Variants in STARD13 observed in about 807,000 individuals in gnomAD.
STARD13 encodes stAR-related lipid transfer protein 13.
Under a neutral mutation model 106.4 loss-of-function variants are expected in STARD13, and 62 were observed. The observed-to-expected ratio is 0.58, with a 90% CI of 0.48 to 0.72. The LOEUF is 0.72. Ranked by LOEUF, STARD13 falls within the 30% of genes least tolerant of loss-of-function variation. The pLI, the probability that STARD13 is intolerant of heterozygous loss-of-function variation, is 0.00. For synonymous variants in STARD13, 565 were observed against 553.0 expected, an observed-to-expected ratio of 1.02 and a Z score of -0.31; for missense variants, 1,387 against 1,424.0, an observed-to-expected ratio of 0.97 and a Z score of 0.42.
the STARD13 span, among the ~76,000 whole-genome samples, chr13:33,474,670 T>C: frequency 1.2e-4 from 19 of 152,332 alleles, no homozygotes; most frequent in Admixed American, 9.8e-4. Context: ...CACTTCTGTC[T>C]GGGTTTTGTA....
chr13:33,355,186 C>T (rs930375297), upstream of STARD13: 1 of 152,070 alleles, frequency 6.6e-6, no homozygotes, highest in African/African-American at 2.4e-5. Flanking sequence ...TAATAAGACC[C>T]ATCACCATTG....
chr13:33,497,347 G>A, the STARD13 span, among the ~76,000 whole-genome samples: 2 of 152,168 alleles, frequency 1.3e-5, no homozygotes, highest in African/African-American at 4.8e-5. Flanking sequence ...AAAGGACTGT[G>A]TATAAGGCTG....
chr13:33,408,759 T>G, the STARD13 span, among the ~76,000 whole-genome samples: 706 of 152,206 alleles, frequency 4.6e-3, 7 homozygotes, highest in African/African-American at 0.016. Flanking sequence ...TCTCCTCCTG[T>G]CCCACCTCCC....
chr13:33,404,816 G>A, the STARD13 span, among the ~76,000 whole-genome samples: 79 of 140,334 alleles, frequency 5.6e-4, no homozygotes, highest in Non-Finnish European at 2.1e-4. Context: ...TCACTCTGTC[G>A]CCCAGGCTGG....
chr13:33,355,691 C>T, the STARD13 span: 1 of 152,132 alleles, frequency 6.6e-6, no homozygotes, highest in South Asian at 2.1e-4. Flanking sequence ...GAAATGCAAT[C>T]TCATGTTACT....
At chr13:33,370,301 A>G in the STARD13 span, among the ~76,000 whole-genome samples, 1 of 152,214 alleles carries the variant, frequency 6.6e-6, no homozygotes, top group Non-Finnish European at 1.5e-5. Context: ...CCAGAATCAA[A>G]TGAATTCCTA....
the STARD13 span, among the ~76,000 whole-genome samples, chr13:33,653,579 G>C: frequency 6.6e-6 from 1 of 152,082 alleles, no homozygotes; most frequent in Non-Finnish European, 1.5e-5. Context: ...AATGCTCTTA[G>C]AACAAAATGT....
intron 1 of STARD13, among the ~76,000 whole-genome samples, chr13:33,304,832 A>C (rs1231840295): frequency 1.3e-5 from 2 of 152,172 alleles, no homozygotes; most frequent in Non-Finnish European, 2.9e-5. Flanking sequence ...TATATAGGCT[A>C]AAAAGGAAAC....
chr13:33,502,208 T>A, the STARD13 span, among the ~76,000 whole-genome samples: 1 of 152,194 alleles, frequency 6.6e-6, no homozygotes, highest in East Asian at 1.9e-4. Flanking sequence ...TGTACAGGAA[T>A]GCCTGTGATT....
At chr13:33,526,707 T>C in the STARD13 span, among the ~76,000 whole-genome samples, 1 of 140,348 alleles carries the variant, frequency 7.1e-6, no homozygotes, top group East Asian at 2.0e-4. Context: ...TAATGCTTTG[T>C]ACTCTCTGGA....
chr13:33,605,494 A>G, the STARD13 span, among the ~76,000 whole-genome samples: 1 of 151,910 alleles, frequency 6.6e-6, no homozygotes, highest in African/African-American at 2.4e-5. Context: ...ATACAAAATT[A>G]TGTGCTTGGA....
At chr13:33,636,224 G>A in the STARD13 span, among the ~76,000 whole-genome samples, 1 of 151,362 alleles carries the variant, frequency 6.6e-6, no homozygotes, top group East Asian at 1.9e-4. Context: ...CTCAGTATAT[G>A]GTAGTAAGAC....
In STARD13 at chr13:33,178,674, G is replaced by A. The variant is rs187771407; in HGVS notation, c.170-11052C>T. The stretch of plus-strand genomic sequence containing the variant: ...ACCTCTTCCTTCTTGAATGTCTTAG[G>A]TATCTGGAAAGTGGAGATTTTATGT... On this transcript the variant is annotated intron_variant, in intron 1 of 13. Transcript: ENST00000336934. Among the ~76,000 whole-genome samples the A allele has an allele frequency of 1.2e-4, 18 of 152,302 alleles. No individual in the cohort carries two copies. The East Asian group carries it at 2.5e-3, about 21-fold the overall frequency.
chr13:33,315,621 A>G (rs1893303519), intron 1 of STARD13, among the ~76,000 whole-genome samples: 1 of 152,188 alleles, frequency 6.6e-6, no homozygotes, highest in African/African-American at 2.4e-5. Context: ...CATGTACCTT[A>G]AGACAGAAGA....
At chr13:33,436,271 T>C in the STARD13 span, among the ~76,000 whole-genome samples, 1 of 152,198 alleles carries the variant, frequency 6.6e-6, no homozygotes, top group African/African-American at 2.4e-5. Context: ...CCAAAGAAAA[T>C]TTTTTTACAA....
At chr13:33,607,673 A>G in the STARD13 span, among the ~76,000 whole-genome samples, 1 of 152,172 alleles carries the variant, frequency 6.6e-6, no homozygotes, top group African/African-American at 2.4e-5. Flanking sequence ...GAAGAAAAAA[A>G]ATTCATTCTT....
At chr13:33,661,950 A>T in the STARD13 span, among the ~76,000 whole-genome samples, 1 of 152,000 alleles carries the variant, frequency 6.6e-6, no homozygotes, top group Non-Finnish European at 1.5e-5. Context: ...ATATAGGTTC[A>T]CAAATATGTC....
the STARD13 span, among the ~76,000 whole-genome samples, chr13:33,672,258 C>T: frequency 9.0e-3 from 1,375 of 152,248 alleles, 24 homozygotes; most frequent in African/African-American, 0.032. Flanking sequence ...AGCAAACTAA[C>T]ACAGGAACAG....
At chr13:33,226,453 TTAGATGAATATTG>T in intron 1 of STARD13, among the ~76,000 whole-genome samples, 1 of 147,928 alleles carries the variant, frequency 6.8e-6, no homozygotes, top group African/African-American at 2.6e-5. Flanking sequence ...TTTTTTTTTT[TTAGATGAATATTG>T]TTTTGTCGCC....
Sources: allele counts gnomAD v4.1 joint callset (sites outside exome capture counted in the v4.1 genomes callset), GRCh38; gene constraint gnomAD v4.1.1; transcripts MANE v1.5; gene names NCBI Gene and HGNC (gene_info 2026-07-23, HGNC 2026-07-21).